Variants in DMGDH observed in about 807,000 individuals in gnomAD.
DMGDH encodes the protein dimethylglycine dehydrogenase, mitochondrial.
DMGDH carries 76 observed loss-of-function variants against 95.2 expected under a neutral mutation model. The ratio of observed to expected loss-of-function variants is 0.80; its 90% CI spans 0.66 to 0.97. DMGDH has a LOEUF of 0.97. Ranked by LOEUF, DMGDH falls within the 50% of genes least tolerant of loss-of-function variation. The pLI is 0.00. For missense variants in DMGDH, 987 were observed against 1,055.0 expected (o/e 0.94, Z 0.89); for synonymous variants, 345 against 377.6 (o/e 0.91, Z 1.00).
intron 14 of DMGDH, among the ~76,000 whole-genome samples, chr5:79,008,773 A>C (rs1753592121): frequency 6.6e-6 from 1 of 152,238 alleles, no homozygotes; most frequent in East Asian, 1.9e-4. Context: ...TAGAAAAAAA[A>C]ATAGAGTAGT....
intron 14 of DMGDH, among the ~76,000 whole-genome samples, chr5:79,009,489 C>G (rs59849627): frequency 0.19 from 28,533 of 151,646 alleles, 4,978 homozygotes; most frequent in African/African-American, 0.46. Context: ...AGCCTCCTGA[C>G]TAGCTGGGAC....
At chr5:79,046,746 A>G (rs548760201) in intron 5 of DMGDH, among the ~76,000 whole-genome samples, 8 of 152,356 alleles carry the variant, frequency 5.3e-5, no homozygotes, top group African/African-American at 1.9e-4. Flanking sequence ...GTACAAAAAT[A>G]TAGTAAAGCC....
In DMGDH at chr5:78,998,068, C is replaced by CT. The variant is rs778624183; in HGVS notation, c.*13dup. 3.1e-6 allele frequency: 5 copies of CT among 1,613,878 alleles called. No individual in the cohort carries two copies. The highest frequency in any genetic ancestry group is 4.2e-6 in the Non-Finnish European group (5 of 1,179,862). ...TTAGCAACTCTAATTCAGTTGACTGCTGAAGGTCTTTTTTCAAGTTTTGTC... is the reference window on the plus strand; with the variant it reads ...TTAGCAACTCTAATTCAGTTGACTGCTTGAAGGTCTTTTTTCAAGTTTTGTC... On this transcript the variant is annotated 3_prime_UTR_variant, in exon 16 of 16. Coordinates refer to ENST00000255189, the MANE Select transcript of DMGDH (RefSeq NM_013391.3).
intron 15 of DMGDH, among the ~76,000 whole-genome samples, chr5:79,003,174 G>T (rs956101681): frequency 6.6e-6 from 1 of 152,172 alleles, no homozygotes; most frequent in African/African-American, 2.4e-5. Context: ...ACTGTATTAA[G>T]AAGTACTGAG....
intron 5 of DMGDH, 26 bp from the exon 6 acceptor site, chr5:79,044,578 T>G (rs193082605): frequency 1.2e-6 from 2 of 1,612,952 alleles, no homozygotes; most frequent in South Asian, 1.1e-5. Context: ...CATTTAAAAG[T>G]GTCAGCCCAT....
chr5:79,016,939 A>G (rs914218677), intron 14 of DMGDH, among the ~76,000 whole-genome samples: 3 of 152,222 alleles, frequency 2.0e-5, no homozygotes, highest in African/African-American at 7.2e-5. Context: ...AATGAAATTC[A>G]GAATATATAG....
At chr5:79,056,057 T>G (rs980035242) in intron 2 of DMGDH, 149 bp from the exon 3 acceptor site, 3 of 647,236 alleles carry the variant, frequency 4.6e-6, no homozygotes, top group Non-Finnish European at 5.5e-6. Flanking sequence ...AGCACCAGTT[T>G]GAGCACACCA....
At chr5:79,028,944 C>A (rs6865893) in intron 11 of DMGDH, among the ~76,000 whole-genome samples, 50,153 of 152,028 alleles carry the variant, frequency 0.33, 9,029 homozygotes, top group African/African-American at 0.48. Flanking sequence ...GTGACACAGC[C>A]CTTTTGCATT....
chr5:79,059,865 A>T (rs970516263), intron 2 of DMGDH, among the ~76,000 whole-genome samples: 1 of 152,254 alleles, frequency 6.6e-6, no homozygotes, highest in African/African-American at 2.4e-5. Flanking sequence ...CTGCTAGTAG[A>T]TAACCAGGAA....
At position 79,030,046 on chromosome 5, in the gene DMGDH, A is replaced by C. The variant is rs771080265; in HGVS notation, c.1684-12T>G. 1.9e-6 allele frequency: 3 copies of C among 1,609,420 alleles called. No homozygotes were observed. In the South Asian group the frequency reaches 3.3e-5, roughly 18 times the overall value. On this transcript the variant is annotated splice_polypyrimidine_tract_variant and intron_variant, in intron 10 of 15. Coordinates refer to ENST00000255189, the MANE Select transcript of DMGDH (RefSeq NM_013391.3). ...TTTGTAAAACCCACCTACATAAAAA[A>C]ATTAAAAATTACCTTAGGATGAACT...
intron 7 of DMGDH, among the ~76,000 whole-genome samples, chr5:79,035,841 C>A (rs1754333810): frequency 6.6e-6 from 1 of 152,160 alleles, no homozygotes; most frequent in South Asian, 2.1e-4. Flanking sequence ...AAATTCCATA[C>A]AACTGAGTGT....
intron 2 of DMGDH, among the ~76,000 whole-genome samples, chr5:79,059,921 A>C (rs1272645350): frequency 6.6e-6 from 1 of 152,220 alleles, no homozygotes; most frequent in African/African-American, 2.4e-5. Context: ...TCTCCCTTTC[A>C]TCACACATGA....
chr5:79,067,721 G>A (rs1341558901), intron 1 of DMGDH, among the ~76,000 whole-genome samples: 4 of 152,170 alleles, frequency 2.6e-5, no homozygotes, highest in African/African-American at 9.7e-5. Context: ...CCTTCTGAAT[G>A]TAGTCGAGGA....
intron 5 of DMGDH, among the ~76,000 whole-genome samples, chr5:79,046,056 GTGTTTTGTTTTGTTTTGTTT>G (rs71974072): frequency 2.6e-4 from 38 of 147,706 alleles, no homozygotes; most frequent in African/African-American, 2.5e-4. Flanking sequence ...CTATTTGCCG[GTGTTTTGTTTTGTTTTGTTT>G]TGTTTTGTTT....
In DMGDH at chr5:78,997,736, G is replaced by A. The variant is rs77654818; in HGVS notation, c.*346C>T. ...AATTTGTTTTCAGCTGTCAAGAACC[G>A]AATGCATTTGTTACTAAAATTATAA... is the stretch of plus-strand genomic sequence containing the variant. On this transcript the variant is annotated 3_prime_UTR_variant, in exon 16 of 16. Transcript: ENST00000255189. The A allele has an allele frequency of 2.3e-3, 540 of 235,278 alleles. 17 individuals carry two copies. The East Asian group carries it at 0.052, about 22-fold the overall frequency. 14.6% of individuals were successfully genotyped at this position (235,278 alleles called of 1,614,324 possible).
chr5:79,034,780 G>A (rs1196597483), intron 7 of DMGDH, among the ~76,000 whole-genome samples: 1 of 152,108 alleles, frequency 6.6e-6, no homozygotes, highest in Non-Finnish European at 1.5e-5. Flanking sequence ...TTCTCAGGCC[G>A]GGCGCGATGT....
At chr5:79,023,108 CAT>C (rs58828237) in intron 14 of DMGDH, among the ~76,000 whole-genome samples, 2,215 of 152,242 alleles carry the variant, frequency 0.015, 49 homozygotes, top group African/African-American at 0.047. Flanking sequence ...TATAAATACA[CAT>C]GTTTTATTTT....
intron 5 of DMGDH, among the ~76,000 whole-genome samples, chr5:79,050,273 A>AAAAAAAAATATATATATAT (rs1554037270): frequency 1.4e-4 from 3 of 20,936 alleles, no homozygotes; most frequent in African/African-American, 4.7e-4. Context: ...AAAAAAAAAA[A>AAAAAAAAATATATATATAT]ATATATATAT....
intron 3 of DMGDH, 93 bp downstream of exon 3, chr5:79,055,717 G>A (rs994157411): frequency 1.6e-5 from 13 of 823,104 alleles, no homozygotes; most frequent in East Asian, 1.0e-4. Context: ...CACTCCACAC[G>A]GTCATACACA....
Sources: allele counts gnomAD v4.1 joint callset (sites outside exome capture counted in the v4.1 genomes callset), GRCh38; gene constraint gnomAD v4.1.1; transcripts MANE v1.5; gene names NCBI Gene and HGNC (gene_info 2026-07-23, HGNC 2026-07-21).